The following SESN1 variants were observed in gnomAD, a reference collection of about 807,000 sequenced individuals.
The protein encoded by SESN1 is sestrin-1.
A neutral mutation model predicts 59.3 loss-of-function variants in SESN1; 30 were observed. The observed-to-expected ratio is 0.51, with a 90% CI of 0.38 to 0.69. SESN1 has a LOEUF of 0.69. SESN1 is among the 30% of genes least tolerant of loss of function. SESN1 has a pLI of 0.00. For synonymous variants in SESN1, 197 were observed against 219.9 expected (o/e 0.90, Z 0.92); for missense variants, 566 against 673.0 (o/e 0.84, Z 1.76).
intron 1 of SESN1, among the ~76,000 whole-genome samples, chr6:109,031,112 G>A (rs1415878863): frequency 6.6e-6 from 1 of 152,184 alleles, no homozygotes; most frequent in East Asian, 1.9e-4. Flanking sequence ...TAAAAGATGG[G>A]TAAAGGGGAA....
rs1449496244 is a variant in SESN1 at position 108,988,393 on chromosome 6, T to A, written c.1569+150A>T. The A allele has an allele frequency of 6.6e-6, 4 of 610,226 alleles. No homozygotes were observed. In the East Asian group the frequency reaches 1.2e-4, roughly 18 times the overall value. The allele number at this position is 610,226 out of a possible 1,614,324, so 37.8% of individuals were successfully genotyped here. A position where few individuals can be genotyped will look rare whatever the true frequency, so the allele number is the denominator to read the frequency against. ...CTCTATCAACATAATCAGGTTCCCTTCTGAAGGGGTACCTGAGACAGCTGT... is the reference window on the plus strand; with the variant it reads ...CTCTATCAACATAATCAGGTTCCCTACTGAAGGGGTACCTGAGACAGCTGT... On this transcript the variant is annotated intron_variant, in intron 9 of 9. Coordinates refer to ENST00000436639, the MANE Select transcript of SESN1 (RefSeq NM_014454.3).
intron 1 of SESN1, among the ~76,000 whole-genome samples, chr6:109,050,310 C>G (rs1347822045): frequency 6.7e-6 from 1 of 148,506 alleles, no homozygotes; most frequent in Non-Finnish European, 1.5e-5. Flanking sequence ...AAGTAGCAGT[C>G]AAAACATTCA....
At chr6:109,080,001 A>C (rs1450218058) in intron 1 of SESN1, among the ~76,000 whole-genome samples, 1 of 152,166 alleles carries the variant, frequency 6.6e-6, no homozygotes, top group Non-Finnish European at 1.5e-5. Context: ...GTAATGCAAA[A>C]CCGTATTTTG....
At chr6:109,076,537 T>C in intron 1 of SESN1, among the ~76,000 whole-genome samples, 1 of 152,164 alleles carries the variant, frequency 6.6e-6, no homozygotes, top group Non-Finnish European at 1.5e-5. Flanking sequence ...GTGAGGAGCT[T>C]TGACACAAGT....
intron 1 of SESN1, among the ~76,000 whole-genome samples, chr6:109,016,240 A>C (rs907220106): frequency 1.3e-5 from 2 of 152,196 alleles, no homozygotes; most frequent in Non-Finnish European, 2.9e-5. Flanking sequence ...CAATATTCTA[A>C]AGTTTTAAAA....
At chr6:109,045,851 T>A (rs1005636182) in intron 1 of SESN1, among the ~76,000 whole-genome samples, 2 of 152,218 alleles carry the variant, frequency 1.3e-5, no homozygotes, top group Middle Eastern at 3.4e-3. Context: ...TGGCATGGAA[T>A]GTTACACAGA....
intron 1 of SESN1, among the ~76,000 whole-genome samples, chr6:109,035,906 T>C (rs1255350365): frequency 1.3e-5 from 2 of 152,154 alleles, no homozygotes; most frequent in Non-Finnish European, 2.9e-5. Flanking sequence ...TGCACCACTA[T>C]CACATATTAA....
intron 1 of SESN1, among the ~76,000 whole-genome samples, chr6:109,007,036 A>G (rs1779746450): frequency 6.6e-6 from 1 of 152,202 alleles, no homozygotes; most frequent in African/African-American, 2.4e-5. Flanking sequence ...GCTCTCTGTG[A>G]AGGTGTGGCT....
chr6:109,012,690 C>A lies in SESN1; in HGVS notation c.280-10347G>T, dbSNP rs764348820. 4.8e-4 allele frequency among the ~76,000 whole-genome samples: 73 copies of A among 152,066 alleles called. 2 individuals are homozygous for A. The highest frequency in any genetic ancestry group is 1.2e-4 in the Non-Finnish European group (8 of 68,002). On this transcript the variant is annotated intron_variant, in intron 1 of 9. Transcript: ENST00000436639. The stretch of plus-strand genomic sequence containing the variant: ...AGTTTGGGAGAATAGACACAGAGTT[C>A]TAAGTAAAAGATCTAGCATATGCAG...
chr6:109,027,317 A>G (rs1780111511), intron 1 of SESN1, among the ~76,000 whole-genome samples: 1 of 151,796 alleles, frequency 6.6e-6, no homozygotes, highest in African/African-American at 2.4e-5. Flanking sequence ...TACTAAAAAT[A>G]TAAAAAAAAT....
At chr6:108,990,608 G>GA (rs746332531) in intron 8 of SESN1, 37 bp downstream of exon 8, 12 of 1,601,224 alleles carry the variant, frequency 7.5e-6, no homozygotes, top group Non-Finnish European at 1.0e-5. Flanking sequence ...TGGCCCAGAG[G>GA]AAAACATCTC....
chr6:109,065,930 C>T (rs937254349), intron 1 of SESN1, among the ~76,000 whole-genome samples: 1 of 151,872 alleles, frequency 6.6e-6, no homozygotes, highest in Admixed American at 6.6e-5. Context: ...AACTCCTTTT[C>T]GTCTAATGTA....
chr6:108,985,757 T>C lies in SESN1; in HGVS notation c.*1787A>G, dbSNP rs1373528292. On this transcript the variant is annotated 3_prime_UTR_variant, in exon 10 of 10. Transcript: ENST00000436639. Reference sequence around the variant, plus strand: ...GAAATGGGATAAGTAAAATTTTAACTATCTTCTTGGGTTCAATTGTATTGC... The same window carrying C: ...GAAATGGGATAAGTAAAATTTTAACCATCTTCTTGGGTTCAATTGTATTGC... 6.6e-6 allele frequency among the ~76,000 whole-genome samples: 1 copy of C among 152,198 alleles called. No homozygotes were observed. The highest frequency in any genetic ancestry group is 6.5e-5 in the Admixed American group (1 of 15,274).
At chr6:109,069,571 T>C (rs1780895589) in intron 1 of SESN1, among the ~76,000 whole-genome samples, 1 of 152,106 alleles carries the variant, frequency 6.6e-6, no homozygotes, top group African/African-American at 2.4e-5. Flanking sequence ...AGACTGGGTC[T>C]TGCTCTGCCA....
At chr6:109,032,630 G>T (rs566701399) in intron 1 of SESN1, among the ~76,000 whole-genome samples, 2 of 151,714 alleles carry the variant, frequency 1.3e-5, no homozygotes, top group Admixed American at 1.3e-4. Flanking sequence ...GGGGGGAGTG[G>T]GGGGGAAGAG....
rs150143040 is a variant in SESN1 at position 109,091,398 on chromosome 6, T to C, written c.279+2397A>G. On this transcript the variant is annotated intron_variant, in intron 1 of 9. Transcript: ENST00000436639. ...CATTTCTCAGAGTGTATCACCATCA[T>C]TAAGTGACACATGACAGTATCGCAG... 2.0e-3 allele frequency among the ~76,000 whole-genome samples: 312 copies of C among 152,290 alleles called. 3 individuals carry two copies. The highest frequency in any genetic ancestry group is 7.1e-3 in the African/African-American group (293 of 41,554).
chr6:109,089,576 T>C (rs1467577417), intron 1 of SESN1, among the ~76,000 whole-genome samples: 1 of 152,194 alleles, frequency 6.6e-6, no homozygotes, highest in Non-Finnish European at 1.5e-5. Flanking sequence ...TCTACTTGGA[T>C]GTCTCATAGG....
chr6:108,991,314 T>C (rs1779379771), intron 7 of SESN1, among the ~76,000 whole-genome samples: 1 of 152,142 alleles, frequency 6.6e-6, no homozygotes, highest in African/African-American at 2.4e-5. Context: ...TGATCACAGC[T>C]CACTGCAGTC....
chr6:109,001,000 C>T (rs1200504592), intron 3 of SESN1, among the ~76,000 whole-genome samples: 3 of 152,144 alleles, frequency 2.0e-5, no homozygotes, highest in African/African-American at 7.2e-5. Context: ...ACATCTTGAA[C>T]AGGAAGCACC....
Sources: gnomAD v4.1 joint callset for allele counts (sites outside exome capture counted in the v4.1 genomes callset) on GRCh38, gnomAD v4.1.1 for gene constraint, MANE v1.5 for transcripts, NCBI Gene and HGNC (gene_info 2026-07-23, HGNC 2026-07-21) for gene names.